CHL1: variants seen among roughly 807,000 people sequenced by gnomAD.
CHL1 encodes cell adhesion molecule L1 like.
In CHL1, 96 loss-of-function variants were observed where a neutral mutation model predicts 141.9. The observed-to-expected ratio is 0.68, with a 90% CI of 0.57 to 0.80. The LOEUF (loss-of-function observed/expected upper bound fraction) is 0.80. Ranked by LOEUF, CHL1 falls within the 30% of genes least tolerant of loss-of-function variation. CHL1 has a pLI of 0.00. For missense variants in CHL1, 1,820 were observed against 1,457.2 expected (o/e 1.25, Z -4.05); for synonymous variants, 613 against 502.2 (o/e 1.22, Z -2.95).
At chr3:206,890 A>G (rs543718425) in intron 1 of CHL1, among the ~76,000 whole-genome samples, 2 of 152,360 alleles carry the variant, frequency 1.3e-5, no homozygotes, top group Admixed American at 6.5e-5. Context: ...ATATGTAACC[A>G]ATTGCATTTC....
chr3:348,443 T>A (rs1676413320), intron 9 of CHL1, among the ~76,000 whole-genome samples: 1 of 152,240 alleles, frequency 6.6e-6, no homozygotes, highest in African/African-American at 2.4e-5. Context: ...GAGACAGTCA[T>A]CCTTCATTTA....
Position 255,545 on chromosome 3 carries a change from G to C in CHL1, c.-95+10853G>C, listed in dbSNP as rs538487083. Reference sequence around the variant, plus strand: ...TACATACACACTAAACTGTACTGCTGTATGTGTGGGAAAAAGTCTAAATAC... The same window carrying C: ...TACATACACACTAAACTGTACTGCTCTATGTGTGGGAAAAAGTCTAAATAC... On this transcript the variant is annotated intron_variant, in intron 2 of 27. Transcript: ENST00000256509. Among the ~76,000 whole-genome samples the C allele has an allele frequency of 2.6e-5, 4 of 152,210 alleles. No individual in the cohort carries two copies. In the South Asian group the frequency reaches 8.3e-4, roughly 32 times the overall value.
intron 27 of CHL1, among the ~76,000 whole-genome samples, chr3:404,062 T>A (rs1709347366): frequency 1.3e-5 from 2 of 152,212 alleles, no homozygotes; most frequent in South Asian, 4.1e-4. Flanking sequence ...TTTCTCAAGT[T>A]ATGTGTCCCA....
intron 2 of CHL1, among the ~76,000 whole-genome samples, chr3:313,040 A>G (rs1052370484): frequency 2.0e-5 from 3 of 152,160 alleles, no homozygotes; most frequent in African/African-American, 7.2e-5. Context: ...GCTGTTTCTT[A>G]GTGAAGAGGA....
chr3:312,945 T>C (rs1251357254), intron 2 of CHL1, among the ~76,000 whole-genome samples: 1 of 152,200 alleles, frequency 6.6e-6, no homozygotes, highest in Admixed American at 6.5e-5. Context: ...TCAAGCATCC[T>C]GAGTAGAAAA....
chr3:319,324 C>G (rs1276058945), intron 2 of CHL1, among the ~76,000 whole-genome samples: 1 of 151,494 alleles, frequency 6.6e-6, no homozygotes, highest in Non-Finnish European at 1.5e-5. Context: ...TTCAGTGGCA[C>G]TCAATTTACC....
At chr3:297,674 C>G (rs1698318370) in intron 2 of CHL1, among the ~76,000 whole-genome samples, 1 of 152,154 alleles carries the variant, frequency 6.6e-6, no homozygotes, top group East Asian at 1.9e-4. Context: ...CCTGATAGAA[C>G]ACTTCAAATA....
intron 26 of CHL1, among the ~76,000 whole-genome samples, chr3:400,481 G>GA (rs10711916): frequency 6.6e-6 from 1 of 150,830 alleles, no homozygotes; most frequent in Non-Finnish European, 1.5e-5. Flanking sequence ...GCCCTAAAAA[G>GA]AAAAAAAAAA....
intron 2 of CHL1, among the ~76,000 whole-genome samples, chr3:296,887 AG>A (rs1488515413): frequency 6.6e-6 from 1 of 152,192 alleles, no homozygotes; most frequent in South Asian, 2.1e-4. Context: ...CAAACTACAT[AG>A]TGAAGTCAGG....
At position 267,096 on chromosome 3, in the gene CHL1, A is replaced by G. The variant is rs144025558; in HGVS notation, c.-95+22404A>G. The stretch of plus-strand genomic sequence containing the variant: ...CTGTTTTTTGCAGTATGTATTTCCT[A>G]TTTCACAGTAGTAGGGACCCTACGC... On this transcript the variant is annotated intron_variant, in intron 2 of 27. Transcript: ENST00000256509. Among the ~76,000 whole-genome samples the G allele has an allele frequency of 3.4e-3, 511 of 152,304 alleles. 2 individuals carry two copies. The highest frequency in any genetic ancestry group is 5.4e-3 in the Non-Finnish European group (369 of 68,020).
At chr3:279,846 T>C (rs1415899185) in intron 2 of CHL1, among the ~76,000 whole-genome samples, 1 of 152,192 alleles carries the variant, frequency 6.6e-6, no homozygotes, top group African/African-American at 2.4e-5. Flanking sequence ...TAATAAATGC[T>C]GTATAAATGA....
intron 3 of CHL1, among the ~76,000 whole-genome samples, chr3:321,384 C>G (rs1346282093): frequency 6.6e-6 from 1 of 152,000 alleles, no homozygotes; most frequent in East Asian, 1.9e-4. Flanking sequence ...CTTCACTGAC[C>G]AGCCTTTTTG....
chr3:337,649 T>G (rs1007337720), intron 5 of CHL1, among the ~76,000 whole-genome samples: 6 of 152,148 alleles, frequency 3.9e-5, no homozygotes, highest in East Asian at 1.9e-4. Flanking sequence ...AATTTGCTGA[T>G]AATGATGGTT....
chr3:291,374 T>A (rs970910324), intron 2 of CHL1, among the ~76,000 whole-genome samples: 9 of 152,080 alleles, frequency 5.9e-5, no homozygotes, highest in Non-Finnish European at 1.2e-4. Context: ...TTAAAAAACA[T>A]ATTGGGTAAG....
At chr3:242,232 A>T (rs1015475388) in intron 1 of CHL1, among the ~76,000 whole-genome samples, 3 of 152,172 alleles carry the variant, frequency 2.0e-5, no homozygotes, top group African/African-American at 7.2e-5. Flanking sequence ...GTTTCATTCT[A>T]AAGGATGGTC....
intron 1 of CHL1, among the ~76,000 whole-genome samples, chr3:223,502 G>C (rs574538522): frequency 6.6e-6 from 1 of 152,174 alleles, no homozygotes; most frequent in African/African-American, 2.4e-5. Context: ...TCAGAAGGTT[G>C]TTGCAATTAT....
intron 2 of CHL1, among the ~76,000 whole-genome samples, chr3:263,562 A>G (rs1431554881): frequency 6.6e-6 from 1 of 152,110 alleles, no homozygotes; most frequent in Admixed American, 6.5e-5. Context: ...AATATCCCTC[A>G]TTTCCATTTG....
In CHL1 at chr3:267,255, C is replaced by T. The variant is rs558299566; in HGVS notation, c.-95+22563C>T. 2.8e-3 allele frequency among the ~76,000 whole-genome samples: 420 copies of T among 152,228 alleles called. 1 individual carries two copies. Among genetic ancestry groups the T allele is most frequent in the Middle Eastern group, 6.8e-3 (2 of 294 alleles). ...AGCAAGACTTCTGTTCAAAATTATG[C>T]TAAGATGAAGAGTCTCACCATCATT... On this transcript the variant is annotated intron_variant, in intron 2 of 27. Coordinates refer to ENST00000256509, the MANE Select transcript of CHL1 (RefSeq NM_006614.4).
intron 2 of CHL1, among the ~76,000 whole-genome samples, chr3:288,245 A>G (rs1697349289): frequency 6.6e-6 from 1 of 152,192 alleles, no homozygotes; most frequent in Non-Finnish European, 1.5e-5. Flanking sequence ...CTTCATTTTC[A>G]TTAGAAGGTA....
Sources: gnomAD v4.1 joint callset for allele counts (sites outside exome capture counted in the v4.1 genomes callset) on GRCh38, gnomAD v4.1.1 for gene constraint, MANE v1.5 for transcripts, NCBI Gene and HGNC (gene_info 2026-07-23, HGNC 2026-07-21) for gene names.